ZNF676: variants seen among roughly 807,000 people sequenced by gnomAD.
ZNF676 encodes the protein zinc finger protein 676.
ZNF676 carries 4 observed loss-of-function variants against 6.0 expected under a neutral mutation model. The observed-to-expected ratio is 0.67, with a 90% CI of 0.33 to 1.53. ZNF676 has a LOEUF of 1.53. Among genes scored for constraint, ZNF676 ranks in the 40% most tolerant of loss-of-function variants. ZNF676 has a pLI of 0.06. For synonymous variants in ZNF676, 198 were observed against 223.1 expected (o/e 0.89, Z 1.00); for missense variants, 644 against 679.7 (o/e 0.95, Z 0.58).
chr19:22,236,932 T>C, the ZNF676 span, among the ~76,000 whole-genome samples: 1 of 152,216 alleles, frequency 6.6e-6, no homozygotes, highest in African/African-American at 2.4e-5. Context: ...GCCCCTGCCA[T>C]CATGGGATCC....
At chr19:22,215,542 C>G in intron 1 of ZNF676, 13 of 1,453,220 alleles carry the variant, frequency 8.9e-6, no homozygotes, top group Non-Finnish European at 1.2e-5. Flanking sequence ...GAGCTGACTG[C>G]GGGTAGGCTT....
At chr19:22,189,773 G>A (rs1239862495) in intron 2 of ZNF676, among the ~76,000 whole-genome samples, 1 of 152,098 alleles carries the variant, frequency 6.6e-6, no homozygotes, top group East Asian at 1.9e-4. Flanking sequence ...ATGAAAAAAA[G>A]CACATCATTA....
the ZNF676 span, among the ~76,000 whole-genome samples, chr19:22,236,096 A>G: frequency 1.3e-5 from 2 of 151,718 alleles, no homozygotes; most frequent in African/African-American, 4.8e-5. Flanking sequence ...TTAGTCCTTA[A>G]TGGTGGCACT....
intron 2 of ZNF676, among the ~76,000 whole-genome samples, chr19:22,186,273 C>A (rs2023838443): frequency 6.6e-6 from 1 of 152,130 alleles, no homozygotes; most frequent in African/African-American, 2.4e-5. Flanking sequence ...TCATATCCAG[C>A]CAAACTAAGC....
Position 22,181,087 on chromosome 19 carries a change from T to C in ZNF676, c.630A>G (p.Ser210=), listed in dbSNP as rs755387397. The change falls in exon 3 of 3, where the codon TCA becomes TCG. Residue 210 remains serine (S), a synonymous_variant. Transcript: ENST00000397121. The part of the protein sequence containing the change: ...EECGKAFSKF[S]ILTKHKVIHT... Reference sequence around the variant, plus strand: ...GAATTACCTTATGTTTAGTAAGGATTGAGAACTTACTAAAGGCTTTGCCAC... The same window carrying C: ...GAATTACCTTATGTTTAGTAAGGATCGAGAACTTACTAAAGGCTTTGCCAC... 1.3e-5 allele frequency: 20 copies of C among 1,599,054 alleles called. No homozygotes were observed. The highest frequency in any genetic ancestry group is 1.5e-5 in the Non-Finnish European group (18 of 1,171,692).
At chr19:22,203,062 GCTCACAGCTGGAAA>G in intron 1 of ZNF676, 1 of 152,190 alleles carries the variant, frequency 6.6e-6, no homozygotes, top group East Asian at 1.9e-4. Context: ...ACAGCACAGG[GCTCACAGCTGGAAA>G]CTCACATCTT....
chr19:22,188,972 T>C (rs778689201), intron 2 of ZNF676, among the ~76,000 whole-genome samples: 1 of 152,030 alleles, frequency 6.6e-6, no homozygotes, highest in African/African-American at 2.4e-5. Context: ...CAAGCTACCA[T>C]TTACTTTCTT....
At chr19:22,219,434 A>G (rs894667013), upstream of ZNF676, among the ~76,000 whole-genome samples, 2 of 152,002 alleles carry the variant, frequency 1.3e-5, no homozygotes, top group African/African-American at 4.8e-5. Flanking sequence ...AGGGTTTCCC[A>G]GGTACACAAT....
chr19:22,245,621 G>A, the ZNF676 span, among the ~76,000 whole-genome samples: 2 of 151,346 alleles, frequency 1.3e-5, no homozygotes, highest in Non-Finnish European at 2.9e-5. Context: ...CAATAAAACA[G>A]AGTCACATCA....
chr19:22,247,223 AT>A, the ZNF676 span, among the ~76,000 whole-genome samples: 1 of 152,136 alleles, frequency 6.6e-6, no homozygotes, highest in African/African-American at 2.4e-5. Flanking sequence ...ACCTCTCTTA[AT>A]AAAAAGCTTG....
the ZNF676 span, among the ~76,000 whole-genome samples, chr19:22,242,954 G>C: frequency 1.3e-5 from 2 of 151,834 alleles, no homozygotes; most frequent in Non-Finnish European, 2.9e-5. Context: ...CATCATCTAG[G>C]TGATGGGCCC....
intron 2 of ZNF676, among the ~76,000 whole-genome samples, chr19:22,186,420 GC>G (rs1385557756): frequency 6.6e-6 from 1 of 152,158 alleles, no homozygotes; most frequent in Non-Finnish European, 1.5e-5. Flanking sequence ...ACCAGCCACT[GC>G]AAAAACATAC....
chr19:22,180,484 A>C lies in ZNF676; in HGVS notation c.1233T>G (p.His411Gln). ...GTTTCTCTCCAGTATGAATTCTCTTATGTTCCATGAGCTTTGAGGATGAGT... is the reference window on the plus strand; with the variant it reads ...GTTTCTCTCCAGTATGAATTCTCTTCTGTTCCATGAGCTTTGAGGATGAGT... ...ASNSSSKLME[H>Q]KRIHTGEKPY... is the part of the protein sequence containing the mutation. The change falls in exon 3 of 3, where the codon CAT becomes CAG. Residue 411 changes from histidine to glutamine, a missense_variant. Physicochemically the swap from His to Gln is conservative, Grantham distance 24 (BLOSUM62 0). Around this residue, in one of 5 missense-constraint regions of ZNF676, gnomAD observed 306 missense variants for 265.4 expected, o/e 1.15. Coordinates refer to ENST00000397121, the MANE Select transcript of ZNF676 (RefSeq NM_001001411.3). The C allele has an allele frequency of 4.4e-6, 7 of 1,603,926 alleles. No homozygotes were observed. Among genetic ancestry groups the C allele is most frequent in the Non-Finnish European group, 5.9e-6 (7 of 1,177,346 alleles).
the ZNF676 span, among the ~76,000 whole-genome samples, chr19:22,227,380 T>C: frequency 2.6e-5 from 4 of 152,206 alleles, no homozygotes; most frequent in Non-Finnish European, 5.9e-5. Context: ...GGGAAACTTA[T>C]AGCACTAAAT....
intron 1 of ZNF676, among the ~76,000 whole-genome samples, chr19:22,210,992 A>G (rs892370373): frequency 6.6e-6 from 1 of 150,640 alleles, no homozygotes; most frequent in Non-Finnish European, 1.5e-5. Flanking sequence ...TTCTAATCTT[A>G]TTTGTTTTCT....
chr19:22,189,256 A>G (rs2144745772), intron 2 of ZNF676, among the ~76,000 whole-genome samples: 1 of 152,330 alleles, frequency 6.6e-6, no homozygotes, highest in East Asian at 1.9e-4. Flanking sequence ...GAAATGGGGA[A>G]AGGATTCCCT....
intron 1 of ZNF676, among the ~76,000 whole-genome samples, chr19:22,209,327 T>TA (rs879800907): frequency 0.045 from 6,273 of 138,058 alleles, 364 homozygotes; most frequent in African/African-American, 0.14. Flanking sequence ...GTGTGGCCAT[T>TA]AAAAAAAAAA....
intron 1 of ZNF676, among the ~76,000 whole-genome samples, chr19:22,215,399 G>A (rs11670221): frequency 1.3e-5 from 2 of 152,176 alleles, no homozygotes; most frequent in Admixed American, 1.3e-4. Flanking sequence ...TGAGGGTGCA[G>A]AGCTGCCCCA....
At position 22,180,412 on chromosome 19, in the gene ZNF676, G is replaced by T; in HGVS notation, c.1305C>A (p.Ser435Arg). 5 of 1,613,374 alleles carry T rather than the reference G, an allele frequency of 3.1e-6. No individual in the cohort carries two copies. The highest frequency in any genetic ancestry group is 4.2e-6 in the Non-Finnish European group (5 of 1,179,770). ...ECGKAFSWSS[S>R]LTEHKRIHAG... is the part of the protein sequence containing the mutation. ...CATGAATTCTCTTGTGTTCAGTAAG[G>T]CTTGAGGACCAGCTGAAGGCTTTGC... The change falls in exon 3 of 3, where the codon AGC (serine) becomes AGA (arginine). Residue 435 changes from serine (S) to arginine (R), a missense_variant. Physicochemically the swap from Ser to Arg is moderately radical, Grantham distance 110. Coordinates refer to ENST00000397121, the MANE Select transcript of ZNF676 (RefSeq NM_001001411.3).
Sources: allele counts gnomAD v4.1 joint callset (sites outside exome capture counted in the v4.1 genomes callset), GRCh38; gene constraint gnomAD v4.1.1; regional missense constraint gnomAD v4.1.1; transcripts MANE v1.5; gene names NCBI Gene and HGNC (gene_info 2026-07-23, HGNC 2026-07-21).